CSMD2: variants seen among roughly 807,000 people sequenced by gnomAD.
CSMD2 encodes the protein CUB and Sushi multiple domains 2, also known as CUB and sushi domain-containing protein 2.
CSMD2 carries 130 observed loss-of-function variants against 398.5 expected under a neutral mutation model. The ratio of observed to expected loss-of-function variants is 0.33; its 90% CI spans 0.28 to 0.38. The LOEUF (loss-of-function observed/expected upper bound fraction) is 0.38, where lower values mean the gene tolerates loss of function less well. Ranked by LOEUF, CSMD2 falls within the 10% of genes least tolerant of loss-of-function variation. The probability of loss-of-function intolerance (pLI) is 1.00; values close to 1 mark genes in which losing one functional copy is unlikely to be tolerated. For missense variants in CSMD2, 3,829 were observed against 4,764.9 expected (o/e 0.80, Z 5.78); for synonymous variants, 1,828 against 1,908.5 (o/e 0.96, Z 1.10).
chr1:33,707,384 C>T (rs541214685), intron 22 of CSMD2, among the ~76,000 whole-genome samples: 17 of 152,324 alleles, frequency 1.1e-4, no homozygotes, highest in African/African-American at 4.1e-4. Context: ...CCCTCTGGTG[C>T]TGCTGTACTG....
intron 10 of CSMD2, among the ~76,000 whole-genome samples, chr1:33,807,904 G>A (rs1656409059): frequency 6.6e-6 from 1 of 152,088 alleles, no homozygotes; most frequent in Non-Finnish European, 1.5e-5. Flanking sequence ...GCACAAGGAA[G>A]TCGAAAAGTT....
At chr1:33,789,467 C>T (rs1653965390) in intron 11 of CSMD2, among the ~76,000 whole-genome samples, 2 of 152,270 alleles carry the variant, frequency 1.3e-5, no homozygotes, top group Admixed American at 6.5e-5. Flanking sequence ...TGGGCAGTGG[C>T]TTCTCCAAGG....
intron 1 of CSMD2, among the ~76,000 whole-genome samples, chr1:34,154,728 T>C (rs1640644403): frequency 4.2e-3 from 1 of 236 alleles, no homozygotes; most frequent in Non-Finnish European, 0.011. Context: ...GGATCCAGGC[T>C]TTTTTTTTTT....
At chr1:33,771,078 C>T (rs1651193331) in intron 13 of CSMD2, among the ~76,000 whole-genome samples, 1 of 152,130 alleles carries the variant, frequency 6.6e-6, no homozygotes, top group African/African-American at 2.4e-5. Flanking sequence ...GTTTTGCTTC[C>T]CATGTGAATC....
At chr1:33,954,607 C>T (rs924963638) in intron 3 of CSMD2, among the ~76,000 whole-genome samples, 7 of 152,210 alleles carry the variant, frequency 4.6e-5, no homozygotes, top group South Asian at 2.1e-4. Flanking sequence ...ATCCGAACGA[C>T]GGAATGTTAT....
intron 42 of CSMD2, among the ~76,000 whole-genome samples, chr1:33,603,354 T>C (rs759694665): frequency 1.6e-4 from 24 of 152,110 alleles, no homozygotes; most frequent in Non-Finnish European, 3.4e-4. Flanking sequence ...TCAGTCACCA[T>C]GGAGGAAAAT....
At chr1:33,883,477 T>C (rs2125180940) in intron 5 of CSMD2, among the ~76,000 whole-genome samples, 1 of 152,316 alleles carries the variant, frequency 6.6e-6, no homozygotes, top group South Asian at 2.1e-4. Flanking sequence ...GCCTTTTTTT[T>C]TTAAGTCAGT....
At position 34,053,344 on chromosome 1, in the gene CSMD2, A is replaced by G. The variant is rs371116624; in HGVS notation, c.405-20638T>C. 1.5e-4 allele frequency among the ~76,000 whole-genome samples: 23 copies of G among 152,312 alleles called. No individual in the cohort carries two copies. In the East Asian group the frequency reaches 3.5e-3, roughly 23 times the overall value. ...AGTTTGCCGTGTAGCCTGTCTGGGA[A>G]AGACTGAAAGGTCACCAGATCTCGA... On this transcript the variant is annotated intron_variant, in intron 2 of 70. Coordinates refer to ENST00000373381, the MANE Select transcript of CSMD2 (RefSeq NM_001281956.2).
intron 22 of CSMD2, among the ~76,000 whole-genome samples, chr1:33,702,058 G>A (rs958936626): frequency 2.0e-5 from 3 of 152,208 alleles, no homozygotes; most frequent in African/African-American, 7.2e-5. Flanking sequence ...ACCGAGGACA[G>A]AGGAACATAC....
At chr1:33,761,431 T>C (rs1343675730) in intron 13 of CSMD2, among the ~76,000 whole-genome samples, 1 of 152,220 alleles carries the variant, frequency 6.6e-6, no homozygotes, top group East Asian at 1.9e-4. Context: ...GCTGCTCTTA[T>C]TAATCTGGTC....
chr1:34,045,077 A>ACACC lies in CSMD2; in HGVS notation c.405-12372_405-12371insGGTG, dbSNP rs1213473853. ...CACACACACACACACACACACACAC[A>ACACC]CCCCTACAAACACAGGTTTTCACTG... is the stretch of plus-strand genomic sequence containing the variant. On this transcript the variant is annotated intron_variant, in intron 2 of 70. Transcript: ENST00000373381. Among the ~76,000 whole-genome samples, 6 of 145,768 alleles carry ACACC rather than the reference A, an allele frequency of 4.1e-5. No individual in the cohort carries two copies. The East Asian group carries it at 6.3e-4, about 15-fold the overall frequency.
chr1:34,020,815 A>G (rs1284032469), intron 3 of CSMD2, among the ~76,000 whole-genome samples: 1 of 152,090 alleles, frequency 6.6e-6, no homozygotes, highest in Non-Finnish European at 1.5e-5. Context: ...CCACCCCTGC[A>G]TTGCTGAGCA....
chr1:34,150,222 C>T (rs945117648), intron 1 of CSMD2, among the ~76,000 whole-genome samples: 2 of 152,160 alleles, frequency 1.3e-5, no homozygotes, highest in East Asian at 1.9e-4. Context: ...GCTGGGACTA[C>T]AGGCGTGTGC....
chr1:33,843,805 C>T (rs1371966868), intron 6 of CSMD2, among the ~76,000 whole-genome samples: 1 of 152,226 alleles, frequency 6.6e-6, no homozygotes, highest in Non-Finnish European at 1.5e-5. Flanking sequence ...ATCCCCTCCT[C>T]ACGCCCTGGC....
intron 9 of CSMD2, 36 bp from the exon 10 acceptor site, chr1:33,810,900 G>T (rs749527020): frequency 8.7e-6 from 14 of 1,604,478 alleles, no homozygotes; most frequent in Non-Finnish European, 9.3e-6. Flanking sequence ...TTTGAATTAA[G>T]ACTAGGTCCA....
chr1:34,026,618 A>G (rs1649680410), intron 3 of CSMD2, among the ~76,000 whole-genome samples: 1 of 152,196 alleles, frequency 6.6e-6, no homozygotes, highest in African/African-American at 2.4e-5. Flanking sequence ...AAGCACTAAA[A>G]ACCTGCAGAG....
rs1487026026 is a variant in CSMD2 at position 33,519,690 on chromosome 1, G to C, written c.10737-13C>G. 6.2e-7 allele frequency: 1 copy of C among 1,614,044 alleles called. No homozygotes were observed. Among genetic ancestry groups the C allele is most frequent in the Non-Finnish European group, 8.5e-7 (1 of 1,179,994 alleles). ...TTTGGGTCTTCTCCTGGCGATAAAA[G>C]AGGAAGTGCCCACGGCATGAAAAGA... On this transcript the variant is annotated splice_polypyrimidine_tract_variant and intron_variant, in intron 69 of 70. Coordinates refer to ENST00000373381, the MANE Select transcript of CSMD2 (RefSeq NM_001281956.2). This position sits in a 1 kb window ranked among gnomAD's most constrained non-coding sequence, Gnocchi z 5.6.
At chr1:34,144,641 C>T (rs911086717) in intron 1 of CSMD2, among the ~76,000 whole-genome samples, 4 of 152,194 alleles carry the variant, frequency 2.6e-5, no homozygotes, top group Admixed American at 6.5e-5. Flanking sequence ...TCAGCGTTAT[C>T]GGTAAGGTAA....
intron 13 of CSMD2, among the ~76,000 whole-genome samples, chr1:33,762,271 ACT>A (rs1466452961): frequency 6.6e-6 from 1 of 152,136 alleles, no homozygotes; most frequent in African/African-American, 2.4e-5. Context: ...GGCTGGGGAA[ACT>A]CTGTTGGCCT....
Sources: gnomAD v4.1 joint callset for allele counts (sites outside exome capture counted in the v4.1 genomes callset) on GRCh38, gnomAD v4.1.1 for gene constraint, Gnocchi (gnomAD v3.1) non-coding constraint, MANE v1.5 for transcripts, NCBI Gene and HGNC (gene_info 2026-07-23, HGNC 2026-07-21) for gene names.